The following RNF146 variants were observed in gnomAD, a reference collection of about 807,000 sequenced individuals.
RNF146 encodes E3 ubiquitin-protein ligase RNF146.
RNF146 carries 11 observed loss-of-function variants against 29.7 expected under a neutral mutation model. The observed-to-expected ratio is 0.37, with a 90% confidence interval of 0.23 to 0.61. RNF146 has a LOEUF of 0.61. Ranked by LOEUF, RNF146 falls within the 20% of genes least tolerant of loss-of-function variation. RNF146 has a pLI of 0.66. For missense variants in RNF146, 342 were observed against 438.9 expected, an observed-to-expected ratio of 0.78 and a Z score of 1.97; for synonymous variants, 150 against 159.7, an observed-to-expected ratio of 0.94 and a Z score of 0.46.
At chr6:127,283,838 T>C (rs1274774083) in intron 2 of RNF146, among the ~76,000 whole-genome samples, 1 of 151,840 alleles carries the variant, frequency 6.6e-6, no homozygotes, top group African/African-American at 2.4e-5. Context: ...TGGTGTCCAT[T>C]GTTTGCAGAT....
chr6:127,284,452 T>A (rs992439557), intron 2 of RNF146, among the ~76,000 whole-genome samples: 1 of 151,844 alleles, frequency 6.6e-6, no homozygotes, highest in African/African-American at 2.4e-5. Context: ...ATCACTTTCT[T>A]GTTTTCTTTT....
chr6:127,278,966 C>T (rs913535280), intron 1 of RNF146, among the ~76,000 whole-genome samples: 2 of 151,722 alleles, frequency 1.3e-5, no homozygotes, highest in Non-Finnish European at 2.9e-5. Flanking sequence ...ATTTTTTGCT[C>T]ACTTTTTAAT....
intron 1 of RNF146, among the ~76,000 whole-genome samples, chr6:127,279,436 A>G (rs1036431859): frequency 2.0e-5 from 3 of 151,830 alleles, no homozygotes; most frequent in African/African-American, 7.2e-5. Flanking sequence ...CTATTGATGT[A>G]TGAGTTTATT....
intron 2 of RNF146, among the ~76,000 whole-genome samples, chr6:127,283,543 A>G (rs569311008): frequency 6.6e-6 from 1 of 151,890 alleles, no homozygotes; most frequent in African/African-American, 2.4e-5. Context: ...TGTAGGGTAG[A>G]TTAAAATGGT....
rs1215478959 is a variant in RNF146 at position 127,287,490 on chromosome 6, A to G, written c.877A>G (p.Ser293Gly). 2.5e-6 allele frequency: 4 copies of G among 1,613,242 alleles called. No individual in the cohort carries two copies. In the African/African-American group the frequency reaches 5.3e-5, roughly 22 times the overall value. ...TSIEETESDASSDSEDVSAVV... is the reference protein window; with the variant it reads ...TSIEETESDAGSDSEDVSAVV... The stretch of plus-strand genomic sequence containing the variant: ...CATTGAAGAAACTGAATCAGATGCC[A>G]GTAGTGATAGTGAGGATGTATCTGC... The change falls in exon 3 of 3, where the codon AGT becomes GGT. Residue 293 changes from serine to glycine, a missense_variant. By Grantham distance (56) the Ser-to-Gly change is moderately conservative (BLOSUM62 0). This residue lies in a region of RNF146 where 196 missense variants were observed against 208.9 expected (regional missense o/e 0.94). Transcript: ENST00000368314.
Position 127,283,305 on chromosome 6 carries a change from CTG to C in RNF146, c.2+2969_2+2970del, listed in dbSNP as rs140661374. 1.1e-3 allele frequency among the ~76,000 whole-genome samples: 163 copies of C among 151,910 alleles called. 6 individuals carry two copies. In the East Asian group the frequency reaches 0.028, roughly 26 times the overall value. Reference sequence around the variant, plus strand: ...ATTGGACTAACGTCACTCCAAATTTCTGTGTATTAAATTCTTAGTTTAGTAAA... The same window carrying C: ...ATTGGACTAACGTCACTCCAAATTTCTGTATTAAATTCTTAGTTTAGTAAA... On this transcript the variant is annotated intron_variant, in intron 2 of 2. Transcript: ENST00000368314.
chr6:127,278,468 G>T (rs769146036), intron 1 of RNF146, among the ~76,000 whole-genome samples: 2 of 151,946 alleles, frequency 1.3e-5, no homozygotes, highest in African/African-American at 2.4e-5. Flanking sequence ...TTTTCTGTAT[G>T]TGGCTTATTA....
intron 1 of RNF146, among the ~76,000 whole-genome samples, chr6:127,274,628 A>T (rs768679707): frequency 3.9e-5 from 6 of 152,188 alleles, no homozygotes; most frequent in Non-Finnish European, 8.8e-5. Flanking sequence ...GAATCTTCAC[A>T]CTAGAGGTTT....
intron 2 of RNF146, among the ~76,000 whole-genome samples, chr6:127,283,029 C>G (rs1461982772): frequency 6.6e-6 from 1 of 151,670 alleles, no homozygotes; most frequent in East Asian, 1.9e-4. Context: ...TTTCATTTGA[C>G]TAGTTGTCCA....
rs45456292 is a variant in RNF146 at position 127,287,822 on chromosome 6, G to A, written c.*129G>A. On this transcript the variant is annotated 3_prime_UTR_variant, in exon 3 of 3. Transcript: ENST00000368314. ...GGTGGGAAGGGGTATGGGAAGGATA[G>A]ACTCATAATTAAAATGTCTAACATG... 0.018 allele frequency: 11,272 copies of A among 634,202 alleles called. 139 individuals carry two copies. The highest frequency in any genetic ancestry group is 0.022 in the Non-Finnish European group (7,869 of 350,548). 39.3% of individuals were successfully genotyped at this position (634,202 alleles called of 1,614,324 possible).
At chr6:127,273,940 C>G (rs1320204287) in intron 1 of RNF146, among the ~76,000 whole-genome samples, 1 of 152,020 alleles carries the variant, frequency 6.6e-6, no homozygotes, top group African/African-American at 2.4e-5. Context: ...GATGTTCTTT[C>G]TGTTGAAGGA....
At chr6:127,273,515 A>T (rs1387872189) in intron 1 of RNF146, among the ~76,000 whole-genome samples, 1 of 152,094 alleles carries the variant, frequency 6.6e-6, no homozygotes. Flanking sequence ...ATGTTTCAAG[A>T]CTACATGATT....
rs1013045867 is a variant in RNF146, at chr6:127,287,793, T to C, written c.*100T>C. The C allele has an allele frequency of 1.3e-4, 99 of 748,192 alleles. 2 individuals carry two copies. The South Asian group carries it at 1.7e-3, about 13-fold the overall frequency. The allele number at this position is 748,192 out of a possible 1,614,324, so 46.3% of individuals were successfully genotyped here. On this transcript the variant is annotated 3_prime_UTR_variant, in exon 3 of 3. Coordinates refer to ENST00000368314, the MANE Select transcript of RNF146 (RefSeq NM_001242850.2). ...CATCCCTAGTAGTGCATTTTGGGAGTTGGGGTGGGAAGGGGTATGGGAAGG... is the reference window on the plus strand; with the variant it reads ...CATCCCTAGTAGTGCATTTTGGGAGCTGGGGTGGGAAGGGGTATGGGAAGG...
intron 1 of RNF146, 67 bp from the exon 2 acceptor site, chr6:127,280,164 T>G (rs1311745686): frequency 1.7e-6 from 1 of 586,818 alleles, no homozygotes; most frequent in African/African-American, 1.9e-5. Flanking sequence ...TCCACTGAAT[T>G]TTTTGAAAGG....
chr6:127,286,993 A>G lies in RNF146; in HGVS notation c.380A>G (p.Asp127Gly). 4 of 1,613,462 alleles carry G rather than the reference A, an allele frequency of 2.5e-6. No individual in the cohort carries two copies. Among genetic ancestry groups the G allele is most frequent in the Non-Finnish European group, 3.4e-6 (4 of 1,179,644 alleles). The change falls in exon 3 of 3, where the codon GAT (aspartate) becomes GGT (glycine). Residue 127 changes from aspartate to glycine, a missense_variant. Asp to Gly is a moderately conservative substitution (Grantham distance 94). Transcript: ENST00000368314. This position sits in a 1 kb window ranked among gnomAD's most constrained non-coding sequence, Gnocchi z 4.6. The stretch of plus-strand genomic sequence containing the variant: ...GAGCGCACTAGTAGAGAGCTGGAAG[A>G]TGCTTTTTCCAAAGGTAAAAAGAAC... ...YDERTSRELE[D>G]AFSKGKKNTE... is the part of the protein sequence containing the mutation.
intron 1 of RNF146, among the ~76,000 whole-genome samples, chr6:127,272,876 A>C (rs561849667): frequency 2.0e-5 from 3 of 152,348 alleles, no homozygotes; most frequent in Admixed American, 2.0e-4. Flanking sequence ...TATGCATTAC[A>C]TACTATATTC....
intron 2 of RNF146, chr6:127,282,331 T>G (rs1408585435): frequency 6.6e-6 from 1 of 151,732 alleles, no homozygotes; most frequent in Non-Finnish European, 1.5e-5. Context: ...TTTTGACTGC[T>G]CTCTCTACAG....
At chr6:127,278,803 C>T (rs936645319) in intron 1 of RNF146, among the ~76,000 whole-genome samples, 5 of 151,912 alleles carry the variant, frequency 3.3e-5, no homozygotes, top group Non-Finnish European at 7.4e-5. Flanking sequence ...ACATCCTCAC[C>T]AACACTTATT....
intron 1 of RNF146, among the ~76,000 whole-genome samples, chr6:127,278,367 ACTTTC>A (rs1778510921): frequency 6.6e-6 from 1 of 151,950 alleles, no homozygotes; most frequent in African/African-American, 2.4e-5. Flanking sequence ...ATAACTCTCC[ACTTTC>A]CTTCCTTCAC....
Sources: gnomAD v4.1 joint callset for allele counts (sites outside exome capture counted in the v4.1 genomes callset) on GRCh38, gnomAD v4.1.1 for gene constraint, gnomAD v4.1.1 regional missense constraint, Gnocchi (gnomAD v3.1) non-coding constraint, MANE v1.5 for transcripts, NCBI Gene and HGNC (gene_info 2026-07-23, HGNC 2026-07-21) for gene names.